The following CFAP206 variants were observed in gnomAD, a reference collection of about 807,000 sequenced individuals.
CFAP206 encodes the protein cilia and flagella associated protein 206, also known as cilia- and flagella-associated protein 206.
CFAP206 carries 53 observed loss-of-function variants against 65.4 expected under a neutral mutation model. That is an observed-to-expected ratio of 0.81 (90% CI 0.65 to 1.02). The LOEUF is 1.02. Ranked by LOEUF, CFAP206 falls within the 50% of genes least tolerant of loss-of-function variation. The pLI is 0.00. For synonymous variants in CFAP206, 250 were observed against 254.4 expected (o/e 0.98, Z 0.17); for missense variants, 663 against 753.2 (o/e 0.88, Z 1.40).
chr6:87,464,176 G>A lies in CFAP206; in HGVS notation c.1795G>A (p.Gly599Ser), dbSNP rs1562012905. 2 of 1,614,158 alleles carry A rather than the reference G, an allele frequency of 1.2e-6. No individual in the cohort carries two copies. The highest frequency in any genetic ancestry group is 8.5e-7 in the Non-Finnish European group (1 of 1,180,020). The change falls in exon 13 of 13, where the codon GGT becomes AGT. Residue 599 changes from glycine (G) to serine (S), a missense_variant. By Grantham distance (56) the Gly-to-Ser change is moderately conservative. Transcript: ENST00000369562. ...GVPRPQIYLAGLRGGKSEITD... is the reference protein window; with the variant it reads ...GVPRPQIYLASLRGGKSEITD... ...GCCCAGGCCTCAGATTTACTTGGCT[G>A]GTCTTCGTGGAGGAAAGAGCGAAAT... is the stretch of plus-strand genomic sequence containing the variant.
chr6:87,429,643 T>G (rs1768123773), intron 9 of CFAP206, among the ~76,000 whole-genome samples: 1 of 152,166 alleles, frequency 6.6e-6, no homozygotes, highest in African/African-American at 2.4e-5. Flanking sequence ...GACCCTTCTA[T>G]CTTAGCTAAA....
intron 12 of CFAP206, 59 bp downstream of exon 12, chr6:87,461,224 C>A: frequency 8.6e-7 from 1 of 1,157,818 alleles, no homozygotes; most frequent in Non-Finnish European, 1.2e-6. Flanking sequence ...TCTATTGTTA[C>A]TCATAGAGTT....
chr6:87,429,315 C>T (rs1768113831), intron 9 of CFAP206, among the ~76,000 whole-genome samples: 1 of 151,652 alleles, frequency 6.6e-6, no homozygotes, highest in South Asian at 2.1e-4. Context: ...TACTGTCCAG[C>T]AATAACCATT....
intron 11 of CFAP206, among the ~76,000 whole-genome samples, chr6:87,460,404 A>T (rs1768725937): frequency 6.6e-6 from 1 of 152,222 alleles, no homozygotes; most frequent in Non-Finnish European, 1.5e-5. Flanking sequence ...TACCTAATAA[A>T]GCTATTTTCA....
intron 11 of CFAP206, among the ~76,000 whole-genome samples, chr6:87,438,443 G>C (rs907999715): frequency 5.0e-5 from 7 of 140,656 alleles, no homozygotes. Flanking sequence ...CCTGGCAACA[G>C]AGCGAGACTC....
intron 11 of CFAP206, chr6:87,436,598 G>A (rs929143539): frequency 1.3e-5 from 2 of 152,584 alleles, no homozygotes; most frequent in African/African-American, 4.8e-5. Flanking sequence ...ATGGTAGTCA[G>A]GACCATGGAC....
At chr6:87,434,483 A>G (rs1034547673) in intron 10 of CFAP206, among the ~76,000 whole-genome samples, 1 of 148,634 alleles carries the variant, frequency 6.7e-6, no homozygotes, top group Non-Finnish European at 1.5e-5. Context: ...ACAGAGTAAC[A>G]ATATTTCTTT....
intron 9 of CFAP206, 119 bp from the exon 10 acceptor site, chr6:87,430,914 C>A: frequency 2.2e-6 from 2 of 908,644 alleles, no homozygotes; most frequent in Non-Finnish European, 3.3e-6. Context: ...AAGTTTTTGC[C>A]CATCGGGAAA....
intron 11 of CFAP206, among the ~76,000 whole-genome samples, chr6:87,443,055 G>C (rs1768382726): frequency 6.6e-6 from 1 of 152,002 alleles, no homozygotes; most frequent in Admixed American, 6.6e-5. Flanking sequence ...GAATTATCTG[G>C]TAATGTATGC....
At chr6:87,444,955 G>T in intron 11 of CFAP206, 1 of 528,800 alleles carries the variant, frequency 1.9e-6, no homozygotes, top group Admixed American at 1.9e-5. Context: ...CAATGGCTCT[G>T]TTACAATATC....
chr6:87,446,291 G>A (rs1041008418), intron 11 of CFAP206, among the ~76,000 whole-genome samples: 4 of 152,128 alleles, frequency 2.6e-5, no homozygotes, highest in African/African-American at 9.7e-5. Flanking sequence ...TGTATATCCT[G>A]AATGGTATTG....
chr6:87,413,761 C>T, intron 3 of CFAP206, 49 bp from the exon 4 acceptor site: 1 of 1,088,236 alleles, frequency 9.2e-7, no homozygotes, highest in South Asian at 1.5e-5. Context: ...AAATACTTGA[C>T]TGTCTCAAAA....
At chr6:87,416,557 CAT>C (rs2127948117) in intron 5 of CFAP206, 110 bp from the exon 6 acceptor site, 1 of 895,548 alleles carries the variant, frequency 1.1e-6, no homozygotes, top group Non-Finnish European at 1.6e-6. Context: ...TTTAAAGAAT[CAT>C]ATAAGTAACT....
chr6:87,440,458 T>G (rs776832992), intron 11 of CFAP206, among the ~76,000 whole-genome samples: 35 of 152,170 alleles, frequency 2.3e-4, no homozygotes, highest in Non-Finnish European at 4.3e-4. Context: ...CTTTGTATTT[T>G]TTTTAACGCG....
At chr6:87,422,764 C>A (rs111992004) in intron 7 of CFAP206, among the ~76,000 whole-genome samples, 3,829 of 146,932 alleles carry the variant, frequency 0.026, 68 homozygotes, top group Non-Finnish European at 0.042. Context: ...AAAAAAAAAA[C>A]AAAACAAACA....
intron 7 of CFAP206, among the ~76,000 whole-genome samples, chr6:87,425,443 A>G (rs1562245957): frequency 6.6e-6 from 1 of 152,216 alleles, no homozygotes; most frequent in Non-Finnish European, 1.5e-5. Flanking sequence ...ATAAATAGCT[A>G]CAGTATAGCT....
intron 7 of CFAP206, among the ~76,000 whole-genome samples, chr6:87,424,384 A>T (rs893289860): frequency 6.0e-4 from 91 of 152,138 alleles, no homozygotes; most frequent in African/African-American, 2.0e-3. Context: ...AGTTCAAGTG[A>T]TTCTCCTGCC....
intron 11 of CFAP206, among the ~76,000 whole-genome samples, chr6:87,451,663 T>G (rs1426705589): frequency 1.4e-5 from 2 of 140,096 alleles, no homozygotes; most frequent in Non-Finnish European, 3.2e-5. Flanking sequence ...AAAAACGGCT[T>G]TATCTTGCAA....
chr6:87,461,013 C>T lies in CFAP206; in HGVS notation c.1495-9C>T. On this transcript the variant is annotated splice_polypyrimidine_tract_variant and intron_variant, in intron 11 of 12. Coordinates refer to ENST00000369562, the MANE Select transcript of CFAP206 (RefSeq NM_001031743.3). Reference sequence around the variant, plus strand: ...TACAAGCACTAACTACAAAACTCCACTTCTTTAGATGAGAGATGCTGACAA... The same window carrying T: ...TACAAGCACTAACTACAAAACTCCATTTCTTTAGATGAGAGATGCTGACAA... 1.3e-6 allele frequency: 2 copies of T among 1,564,788 alleles called. No homozygotes were observed. The highest frequency in any genetic ancestry group is 1.7e-6 in the Non-Finnish European group (2 of 1,163,332).
Sources: allele counts gnomAD v4.1 joint callset (sites outside exome capture counted in the v4.1 genomes callset), GRCh38; gene constraint gnomAD v4.1.1; transcripts MANE v1.5; gene names NCBI Gene and HGNC (gene_info 2026-07-23, HGNC 2026-07-21).